The following ATP11A variants were observed in gnomAD, a reference collection of about 807,000 sequenced individuals.
The protein encoded by ATP11A is phospholipid-transporting ATPase IH.
In ATP11A, 81 loss-of-function variants were observed where a neutral mutation model predicts 154.4. That is an observed-to-expected ratio of 0.52 (90% CI 0.44 to 0.63). The LOEUF (loss-of-function observed/expected upper bound fraction) is 0.63, where lower values mean the gene tolerates loss of function less well. ATP11A is among the 30% of genes least tolerant of loss of function. The pLI is 0.00. For synonymous variants in ATP11A, 623 were observed against 585.9 expected (o/e 1.06, Z -0.91); for missense variants, 1,316 against 1,474.3 (o/e 0.89, Z 1.76).
At chr13:112,706,694 C>G (rs1420058167) in intron 1 of ATP11A, among the ~76,000 whole-genome samples, 3 of 152,190 alleles carry the variant, frequency 2.0e-5, no homozygotes, top group Non-Finnish European at 4.4e-5. Flanking sequence ...TCTCTAAATA[C>G]AATGAGAATT....
At chr13:112,881,378 C>T (rs1369477737) in intron 29 of ATP11A, 1 of 1,043,130 alleles carries the variant, frequency 9.6e-7, no homozygotes, top group Non-Finnish European at 1.2e-6. Context: ...AACCCGGTCC[C>T]TGTGGGGTGG....
At chr13:112,729,798 C>T (rs1388431765) in intron 1 of ATP11A, among the ~76,000 whole-genome samples, 7 of 152,258 alleles carry the variant, frequency 4.6e-5, no homozygotes, top group Non-Finnish European at 1.0e-4. Flanking sequence ...GGCCCCTCAG[C>T]TTGCGGGAAC....
intron 1 of ATP11A, among the ~76,000 whole-genome samples, chr13:112,781,083 C>T (rs1236859001): frequency 1.3e-5 from 2 of 152,244 alleles, no homozygotes; most frequent in Admixed American, 1.3e-4. Flanking sequence ...GTCTGTCATC[C>T]AGGCTGGAGA....
chr13:112,778,955 G>A (rs374754264), intron 1 of ATP11A, among the ~76,000 whole-genome samples: 122 of 119,632 alleles, frequency 1.0e-3, no homozygotes, highest in African/African-American at 3.6e-3. Context: ...AGGAGTAGCC[G>A]CTGGAGTGAG....
chr13:112,831,611 C>A, intron 13 of ATP11A, 63 bp downstream of exon 13: 9 of 1,559,934 alleles, frequency 5.8e-6, no homozygotes, highest in Middle Eastern at 3.5e-4. Flanking sequence ...CATGCTGAGT[C>A]CACCCCTTTT....
At chr13:112,760,777 T>G (rs888682477) in intron 1 of ATP11A, among the ~76,000 whole-genome samples, 2 of 152,234 alleles carry the variant, frequency 1.3e-5, no homozygotes. Context: ...CTGAATTTGA[T>G]AATCAAACTG....
intron 1 of ATP11A, among the ~76,000 whole-genome samples, chr13:112,750,629 A>G (rs1350974693): frequency 6.6e-6 from 1 of 152,026 alleles, no homozygotes; most frequent in Non-Finnish European, 1.5e-5. Flanking sequence ...CGCCTGCTGA[A>G]GGACGCGGGG....
chr13:112,846,385 G>T (rs769495117), intron 17 of ATP11A, among the ~76,000 whole-genome samples: 2 of 151,880 alleles, frequency 1.3e-5, no homozygotes, highest in African/African-American at 4.8e-5. Context: ...AGTTTTTCCC[G>T]TGCAGCGTCT....
At chr13:112,843,931 CTG>C (rs1429048621) in intron 17 of ATP11A, among the ~76,000 whole-genome samples, 2 of 152,212 alleles carry the variant, frequency 1.3e-5, no homozygotes, top group African/African-American at 4.8e-5. Context: ...TTGAACTTCT[CTG>C]TGAGGGATCT....
chr13:112,775,718 C>CA (rs1189591658), intron 1 of ATP11A, among the ~76,000 whole-genome samples: 2 of 152,104 alleles, frequency 1.3e-5, no homozygotes, highest in African/African-American at 2.4e-5. Context: ...TAATGCCCCC[C>CA]CCGCCTGTAA....
rs2140278489 is a variant in ATP11A, at chr13:112,838,983, C to CA, written c.1705+2733dup. 1.3e-5 allele frequency among the ~76,000 whole-genome samples: 2 copies of CA among 152,298 alleles called. No homozygotes were observed. The highest frequency in any genetic ancestry group is 2.9e-5 in the Non-Finnish European group (2 of 68,020). On this transcript the variant is annotated intron_variant, in intron 16 of 29. Transcript: ENST00000375645. The surrounding 1 kb of genome is among the most constrained non-coding windows in gnomAD (Gnocchi z 7.3). ...CAGCCCTGTAGGGGGTTGCGGCTGT[C>CA]AGAGCCGGATCTCACTGTTTTGGGG...
rs368084288 is a variant in ATP11A at position 112,857,930 on chromosome 13, G to A, written c.2521+10G>A. On this transcript the variant is annotated intron_variant, in intron 21 of 29. Coordinates refer to ENST00000375645, the MANE Select transcript of ATP11A (RefSeq NM_015205.3). Reference sequence around the variant, plus strand: ...GCGCACGTGGGCATAGGTGAGCTTCGTCCTTGCTGCTGGCACATCCTGGTG... The same window carrying A: ...GCGCACGTGGGCATAGGTGAGCTTCATCCTTGCTGCTGGCACATCCTGGTG... 3.0e-5 allele frequency: 49 copies of A among 1,613,568 alleles called. No individual in the cohort carries two copies. The highest frequency in any genetic ancestry group is 1.6e-4 in the Middle Eastern group (1 of 6,082).
chr13:112,882,546 C>T lies in ATP11A; in HGVS notation c.*680C>T. 1 of 424,354 alleles carries T rather than the reference C, an allele frequency of 2.4e-6. No homozygotes were observed. The highest frequency in any genetic ancestry group is 4.1e-6 in the Non-Finnish European group (1 of 242,924). 26.3% of individuals were successfully genotyped at this position (424,354 alleles called of 1,614,324 possible). A position where few individuals can be genotyped will look rare whatever the true frequency, so the allele number is the denominator to read the frequency against. On this transcript the variant is annotated 3_prime_UTR_variant, in exon 30 of 30. Transcript: ENST00000375645. This position sits in a 1 kb window ranked among gnomAD's most constrained non-coding sequence, Gnocchi z 5.1. Reference sequence around the variant, plus strand: ...CATCCCTGCGGATGCACCGCCGTACCCTGCTCATCTGGGAGTGGTTTCCCT... The same window carrying T: ...CATCCCTGCGGATGCACCGCCGTACTCTGCTCATCTGGGAGTGGTTTCCCT...
intron 1 of ATP11A, among the ~76,000 whole-genome samples, chr13:112,729,004 C>A: frequency 6.6e-6 from 1 of 152,224 alleles, no homozygotes. Context: ...CAGGTTTTCA[C>A]GTTGGCGACA....
In ATP11A at chr13:112,825,961, C is replaced by T. The variant is rs564683666; in HGVS notation, c.1023+381C>T. On this transcript the variant is annotated intron_variant, in intron 11 of 29. Coordinates refer to ENST00000375645, the MANE Select transcript of ATP11A (RefSeq NM_015205.3). Reference sequence around the variant, plus strand: ...GTCCAGAGCAGGGCCATGTGCAAACCGAGACCTGTGTCCACTGAGCCTAGA... The same window carrying T: ...GTCCAGAGCAGGGCCATGTGCAAACTGAGACCTGTGTCCACTGAGCCTAGA... Among the ~76,000 whole-genome samples the T allele has an allele frequency of 1.4e-4, 22 of 152,296 alleles. No individual in the cohort carries two copies. The Middle Eastern group carries it at 0.01, about 71-fold the overall frequency.
chr13:112,816,247 C>A (rs1316426455), intron 6 of ATP11A, 36 bp downstream of exon 6: 2 of 1,613,494 alleles, frequency 1.2e-6, no homozygotes, highest in African/African-American at 1.3e-5. Flanking sequence ...AGGGCAGGAT[C>A]TTCCTGTCCT....
intron 26 of ATP11A, among the ~76,000 whole-genome samples, chr13:112,873,179 CT>C (rs1299182990): frequency 1.4e-5 from 2 of 141,570 alleles, no homozygotes; most frequent in Non-Finnish European, 1.6e-5. Flanking sequence ...GTGGCTTTGT[CT>C]TCCTGAGCGG....
chr13:112,720,056 G>A (rs989171588), intron 1 of ATP11A, among the ~76,000 whole-genome samples: 1 of 152,206 alleles, frequency 6.6e-6, no homozygotes, highest in African/African-American at 2.4e-5. Context: ...ATACATTAAT[G>A]ACCATTCTGT....
At chr13:112,857,681 C>T (rs183167705) in intron 20 of ATP11A, 137 bp from the exon 21 acceptor site, 27 of 679,446 alleles carry the variant, frequency 4.0e-5, no homozygotes, top group Non-Finnish European at 5.2e-5. Context: ...GACAGAATGT[C>T]GTAAATTACC....
Sources: gnomAD v4.1 joint callset for allele counts (sites outside exome capture counted in the v4.1 genomes callset) on GRCh38, gnomAD v4.1.1 for gene constraint, Gnocchi (gnomAD v3.1) non-coding constraint, MANE v1.5 for transcripts, NCBI Gene and HGNC (gene_info 2026-07-23, HGNC 2026-07-21) for gene names.